Variants in UFD1 observed in about 807,000 individuals in gnomAD.
The protein encoded by UFD1 is ubiquitin recognition factor in ER-associated degradation protein 1.
In UFD1, 13 loss-of-function variants were observed where a neutral mutation model predicts 45.9. The ratio of observed to expected loss-of-function variants is 0.28; its 90% CI spans 0.18 to 0.45. The LOEUF is 0.45. Among genes scored for constraint, UFD1 ranks in the 20% least tolerant of loss-of-function variants. The pLI, the probability that UFD1 is intolerant of heterozygous loss-of-function variation, is 1.00. For synonymous variants in UFD1, 128 were observed against 139.2 expected, an observed-to-expected ratio of 0.92 and a Z score of 0.56; for missense variants, 218 against 389.2, an observed-to-expected ratio of 0.56 and a Z score of 3.70.
intron 11 of UFD1, chr22:19,451,452 C>G: frequency 3.0e-6 from 3 of 985,312 alleles, no homozygotes; most frequent in Non-Finnish European, 3.6e-6. Context: ...ACCAACCAGC[C>G]CTCAGAAACA....
At chr22:19,474,783 G>C (rs1010466816) in intron 3 of UFD1, among the ~76,000 whole-genome samples, 5 of 152,184 alleles carry the variant, frequency 3.3e-5, no homozygotes, top group South Asian at 2.1e-4. Flanking sequence ...GAACAGTTGG[G>C]GGGTGGGTGG....
intron 4 of UFD1, chr22:19,469,930 T>G (rs1453775055): frequency 1.9e-6 from 1 of 518,336 alleles, no homozygotes; most frequent in Non-Finnish European, 3.9e-6. Context: ...AAACTTCAAG[T>G]CTATGGGTTA....
At position 19,465,197 on chromosome 22, in the gene UFD1, C is replaced by A; in HGVS notation, c.495+5G>T. 1.2e-6 allele frequency: 2 copies of A among 1,614,028 alleles called. No homozygotes were observed. Among genetic ancestry groups the A allele is most frequent in the Non-Finnish European group, 1.7e-6 (2 of 1,179,906 alleles). ...TCAGGAATGACCTGCATGAACTGGG[C>A]TCACCTTTTCATTATAGTTGATGGC... On this transcript the variant is annotated splice_donor_5th_base_variant and intron_variant, in intron 6 of 11. Coordinates refer to ENST00000263202, the MANE Select transcript of UFD1 (RefSeq NM_005659.7).
At chr22:19,474,985 T>C (rs2089871080) in intron 3 of UFD1, 83 bp downstream of exon 3, 6 of 1,347,130 alleles carry the variant, frequency 4.5e-6, no homozygotes, top group South Asian at 1.3e-5. Flanking sequence ...CACTGGTGTC[T>C]GGATGTACTG....
chr22:19,456,058 G>A (rs1211865320), intron 9 of UFD1, among the ~76,000 whole-genome samples: 2 of 152,138 alleles, frequency 1.3e-5, no homozygotes, highest in African/African-American at 4.8e-5. Flanking sequence ...AAGCTCTATG[G>A]GTGGGCTAAG....
chr22:19,468,735 G>A (rs189635873), intron 4 of UFD1, among the ~76,000 whole-genome samples: 104 of 152,264 alleles, frequency 6.8e-4, no homozygotes, highest in African/African-American at 2.3e-3. Context: ...CCCACGCACC[G>A]AGCCCTGACA....
At chr22:19,453,084 CAG>C in intron 11 of UFD1, 1 of 985,426 alleles carries the variant, frequency 1.0e-6, no homozygotes, top group Non-Finnish European at 1.2e-6. Flanking sequence ...GCCTTCACTT[CAG>C]AGATAGTAGT....
At chr22:19,461,108 C>T (rs1327677840) in intron 6 of UFD1, among the ~76,000 whole-genome samples, 5 of 152,076 alleles carry the variant, frequency 3.3e-5, no homozygotes, top group African/African-American at 7.2e-5. Flanking sequence ...CTCATGTAAG[C>T]GGAATGTAGT....
intron 6 of UFD1, among the ~76,000 whole-genome samples, chr22:19,461,847 C>T (rs1274911270): frequency 1.3e-5 from 2 of 151,520 alleles, no homozygotes; most frequent in Non-Finnish European, 2.9e-5. Flanking sequence ...ACTTCAATTA[C>T]ACTTTTCTCT....
At chr22:19,461,311 C>T (rs954664868) in intron 6 of UFD1, among the ~76,000 whole-genome samples, 3 of 152,132 alleles carry the variant, frequency 2.0e-5, no homozygotes, top group Non-Finnish European at 2.9e-5. Flanking sequence ...GTTTTTTCAT[C>T]TTAGGAATAG....
At chr22:19,455,581 A>G (rs878935073) in intron 10 of UFD1, 99 bp downstream of exon 10, 25 of 1,118,756 alleles carry the variant, frequency 2.2e-5, no homozygotes, top group Middle Eastern at 2.9e-4. Context: ...GAGACTACTG[A>G]CCCAGGCTTT....
chr22:19,454,680 A>G (rs766619678), intron 11 of UFD1, 69 bp downstream of exon 11: 1 of 1,610,100 alleles, frequency 6.2e-7, no homozygotes, highest in Non-Finnish European at 8.5e-7. Context: ...GAATGCCAAG[A>G]ACTTCAGTCA....
intron 11 of UFD1, chr22:19,453,753 T>C (rs990303243): frequency 1.0e-6 from 1 of 985,386 alleles, no homozygotes; most frequent in Non-Finnish European, 1.2e-6. Flanking sequence ...GTGGTCTCTG[T>C]CCCCAACCAC....
chr22:19,470,027 C>A (rs1029794992), intron 4 of UFD1: 2 of 518,078 alleles, frequency 3.9e-6, no homozygotes, highest in African/African-American at 3.8e-5. Flanking sequence ...GAAGTAGTCA[C>A]TGCCTGACAC....
chr22:19,465,156 C>G (rs1350433734), intron 6 of UFD1, 46 bp downstream of exon 6: 1 of 1,559,130 alleles, frequency 6.4e-7, no homozygotes, highest in South Asian at 1.1e-5. Flanking sequence ...AGAATGGACA[C>G]TGCAGGTGGC....
chr22:19,452,479 G>A (rs1343970321), intron 11 of UFD1: 1 of 152,134 alleles, frequency 6.6e-6, no homozygotes, highest in African/African-American at 2.4e-5. Context: ...TCAGAATTTT[G>A]AGTATATTGC....
At chr22:19,472,104 G>A (rs12172447) in intron 3 of UFD1, among the ~76,000 whole-genome samples, 37 of 152,280 alleles carry the variant, frequency 2.4e-4, no homozygotes, top group African/African-American at 4.1e-4. Context: ...ACAAAATCCC[G>A]ACCTTCAAAG....
At chr22:19,465,074 CA>C (rs1189708350) in intron 6 of UFD1, 127 bp downstream of exon 6, 2 of 858,558 alleles carry the variant, frequency 2.3e-6, no homozygotes, top group Non-Finnish European at 3.7e-6. Flanking sequence ...ACTTAATAAC[CA>C]AACAGTAGGC....
chr22:19,478,240 T>C (rs1016014072), intron 1 of UFD1, among the ~76,000 whole-genome samples: 3 of 152,224 alleles, frequency 2.0e-5, no homozygotes, highest in African/African-American at 7.2e-5. Context: ...TCAGGTATTC[T>C]TGAGTGGATG....
Sources: allele counts gnomAD v4.1 joint callset (sites outside exome capture counted in the v4.1 genomes callset), GRCh38; gene constraint gnomAD v4.1.1; transcripts MANE v1.5; gene names NCBI Gene and HGNC (gene_info 2026-07-23, HGNC 2026-07-21).